The following CTNNA3 variants were observed in gnomAD, a reference collection of about 807,000 sequenced individuals.
CTNNA3 encodes the protein catenin alpha-3.
Under a neutral mutation model 95.7 loss-of-function variants are expected in CTNNA3, and 76 were observed. The ratio of observed to expected loss-of-function variants is 0.79; its 90% CI spans 0.66 to 0.96. The LOEUF is 0.96. Ranked by LOEUF, CTNNA3 falls within the 40% of genes least tolerant of loss-of-function variation. The pLI is 0.00. For synonymous variants in CTNNA3, 431 were observed against 374.4 expected (o/e 1.15, Z -1.74); for missense variants, 1,191 against 1,089.8 (o/e 1.09, Z -1.31).
chr10:67,631,252 C>T (rs1839134714), intron 2 of CTNNA3, among the ~76,000 whole-genome samples: 1 of 151,794 alleles, frequency 6.6e-6, no homozygotes. Context: ...ATATCCCAGG[C>T]TAAATATCCC....
intron 3 of CTNNA3, among the ~76,000 whole-genome samples, chr10:67,556,906 C>T (rs1469782992): frequency 1.3e-5 from 2 of 152,090 alleles, no homozygotes; most frequent in Non-Finnish European, 2.9e-5. Context: ...CTATAAATTT[C>T]CCCCTACACA....
At chr10:66,996,125 T>C (rs1851322145) in intron 7 of CTNNA3, among the ~76,000 whole-genome samples, 1 of 152,204 alleles carries the variant, frequency 6.6e-6, no homozygotes, top group Non-Finnish European at 1.5e-5. Context: ...TTACTCTCTA[T>C]TGCCTAAGCT....
chr10:66,189,617 T>TATATATATATATATATATATATAC (rs151078010), intron 13 of CTNNA3, among the ~76,000 whole-genome samples: 53 of 140,366 alleles, frequency 3.8e-4, no homozygotes, highest in African/African-American at 1.4e-3. Context: ...TATATATATA[T>TATATATATATATATATATATATAC]ACACACATAC....
At chr10:66,360,116 C>A (rs76459586) in intron 12 of CTNNA3, among the ~76,000 whole-genome samples, 1 of 151,932 alleles carries the variant, frequency 6.6e-6, no homozygotes, top group Non-Finnish European at 1.5e-5. Context: ...CATGAGCCAT[C>A]GCACCTGGCC....
chr10:67,628,632 C>T (rs1347962986), intron 2 of CTNNA3, among the ~76,000 whole-genome samples: 3 of 151,824 alleles, frequency 2.0e-5, no homozygotes, highest in African/African-American at 7.3e-5. Flanking sequence ...AATGTTTAAC[C>T]TTTTTTCTGA....
chr10:67,710,555 C>T (rs1172496480), intron 1 of CTNNA3, among the ~76,000 whole-genome samples: 1 of 152,100 alleles, frequency 6.6e-6, no homozygotes, highest in Non-Finnish European at 1.5e-5. Flanking sequence ...AAGAGACAAA[C>T]TAGAGAGTAT....
intron 7 of CTNNA3, among the ~76,000 whole-genome samples, chr10:67,050,344 G>A (rs1220172199): frequency 2.0e-5 from 3 of 151,918 alleles, no homozygotes; most frequent in Non-Finnish European, 4.4e-5. Flanking sequence ...TTTTCTTTTT[G>A]CAACTGAATT....
intron 17 of CTNNA3, among the ~76,000 whole-genome samples, chr10:65,932,859 TC>T (rs2077276256): frequency 6.6e-6 from 1 of 152,116 alleles, no homozygotes; most frequent in South Asian, 2.1e-4. Flanking sequence ...CTCCCCAGCT[TC>T]TCTTGTCCTC....
chr10:67,420,222 C>T (rs2132865127), intron 5 of CTNNA3, among the ~76,000 whole-genome samples: 1 of 152,178 alleles, frequency 6.6e-6, no homozygotes, highest in South Asian at 2.1e-4. Context: ...TTATTTCAAT[C>T]CTCTAAAACA....
intron 9 of CTNNA3, among the ~76,000 whole-genome samples, chr10:66,647,449 A>T (rs1472996771): frequency 6.6e-6 from 1 of 152,190 alleles, no homozygotes; most frequent in East Asian, 1.9e-4. Context: ...AAGTCTTCAC[A>T]ATGTAGTTAA....
rs1262830556 is a variant in CTNNA3, at chr10:66,355,027, TATTC to T, written c.1732+24121_1732+24124del. ...ATATTATTTTTAAAGAATAATCAAA[TATTC>T]AGACAGGCCAGGCAGGAATACACAC... On this transcript the variant is annotated intron_variant, in intron 12 of 17. Coordinates refer to ENST00000433211, the MANE Select transcript of CTNNA3 (RefSeq NM_013266.4). Among the ~76,000 whole-genome samples, 3 of 152,202 alleles carry T rather than the reference TATTC, an allele frequency of 2.0e-5. No homozygotes were observed. In the East Asian group the frequency reaches 5.8e-4, roughly 29 times the overall value.
At chr10:66,133,609 G>A (rs377626087) in intron 13 of CTNNA3, among the ~76,000 whole-genome samples, 4 of 150,302 alleles carry the variant, frequency 2.7e-5, no homozygotes, top group Admixed American at 2.0e-4. Flanking sequence ...AAAAAAAGTC[G>A]ATGAAGCGGG....
At chr10:66,796,660 A>G (rs1841204340) in intron 7 of CTNNA3, among the ~76,000 whole-genome samples, 1 of 152,124 alleles carries the variant, frequency 6.6e-6, no homozygotes, top group Non-Finnish European at 1.5e-5. Flanking sequence ...AGTGCAATAA[A>G]GTGAAACTCA....
chr10:66,511,482 T>G (rs7090175), intron 11 of CTNNA3, among the ~76,000 whole-genome samples: 20 of 151,462 alleles, frequency 1.3e-4, no homozygotes, highest in African/African-American at 4.1e-4. Flanking sequence ...CTTTTTTTTT[T>G]TATATAGGTG....
At chr10:67,135,060 T>C (rs1405333288) in intron 7 of CTNNA3, among the ~76,000 whole-genome samples, 1 of 152,074 alleles carries the variant, frequency 6.6e-6, no homozygotes, top group African/African-American at 2.4e-5. Flanking sequence ...TTCTGGTTTG[T>C]TTTCAAGTTG....
At position 66,243,722 on chromosome 10, in the gene CTNNA3, A is replaced by T. The variant is rs1002740150; in HGVS notation, c.1884+36748T>A. Among the ~76,000 whole-genome samples, 5 of 152,196 alleles carry T rather than the reference A, an allele frequency of 3.3e-5. No individual in the cohort carries two copies. In the East Asian group the frequency reaches 9.6e-4, roughly 29 times the overall value. On this transcript the variant is annotated intron_variant, in intron 13 of 17. Coordinates refer to ENST00000433211, the MANE Select transcript of CTNNA3 (RefSeq NM_013266.4). The stretch of plus-strand genomic sequence containing the variant: ...TTTCAGAGTCTCCTGAGGCTGAGTC[A>T]TGATCGTGTCCTTAACCTTGGCAAA...
intron 3 of CTNNA3, among the ~76,000 whole-genome samples, chr10:67,549,924 T>A (rs10823061): frequency 0.13 from 19,887 of 152,152 alleles, 1,609 homozygotes; most frequent in East Asian, 0.31. Context: ...CTTTCTGGCC[T>A]TTCACAGAGA....
chr10:67,336,161 C>T (rs1196179892), intron 5 of CTNNA3, among the ~76,000 whole-genome samples: 1 of 152,046 alleles, frequency 6.6e-6, no homozygotes, highest in Non-Finnish European at 1.5e-5. Flanking sequence ...ACCAGTTGTC[C>T]CCATCTCCTC....
At chr10:67,726,493 C>CGATATAT (rs1554879525) in intron 1 of CTNNA3, among the ~76,000 whole-genome samples, 469 of 44,312 alleles carry the variant, frequency 0.011, 7 homozygotes, top group African/African-American at 0.048. Flanking sequence ...ATATCATATA[C>CGATATAT]AATATATAAT....
Sources: allele counts gnomAD v4.1 joint callset (sites outside exome capture counted in the v4.1 genomes callset), GRCh38; gene constraint gnomAD v4.1.1; transcripts MANE v1.5; gene names NCBI Gene and HGNC (gene_info 2026-07-23, HGNC 2026-07-21).